The following MN1 variants were observed in gnomAD, a reference collection of about 807,000 sequenced individuals.
MN1 encodes the protein transcriptional activator MN1.
Under a neutral mutation model 86.9 loss-of-function variants are expected in MN1, and 19 were observed. The ratio of observed to expected loss-of-function variants is 0.22; its 90% CI spans 0.15 to 0.32. The LOEUF (loss-of-function observed/expected upper bound fraction) is 0.32, where lower values mean the gene tolerates loss of function less well. MN1 is among the 10% of genes least tolerant of loss of function. The pLI is 1.00. For missense variants in MN1, 1,841 were observed against 1,862.0 expected (o/e 0.99, Z 0.21); for synonymous variants, 928 against 849.6 (o/e 1.09, Z -1.60).
At chr22:27,782,450 C>T (rs1933066912) in intron 1 of MN1, among the ~76,000 whole-genome samples, 2 of 152,222 alleles carry the variant, frequency 1.3e-5, no homozygotes, top group Admixed American at 1.3e-4. Flanking sequence ...CCAATCTGTG[C>T]CTTTCATTTC....
chr22:27,797,079 G>T lies in MN1; in HGVS notation c.3465C>A (p.Ile1155=). The part of the protein sequence containing the change: ...PPPDEIHPLE[I]LQAQIQLQRQ... ...TCTGTAGCTGGATCTGCGCCTGAAGGATCTCCAGGGGGTGGATCTCGTCGG... is the reference window on the plus strand; with the variant it reads ...TCTGTAGCTGGATCTGCGCCTGAAGTATCTCCAGGGGGTGGATCTCGTCGG... Residue 1155 remains isoleucine (I), a synonymous_variant, in exon 1 of 2, where the codon ATC becomes ATA. Coordinates refer to ENST00000302326, the MANE Select transcript of MN1 (RefSeq NM_002430.3). 1 of 1,611,210 alleles carries T rather than the reference G, an allele frequency of 6.2e-7. No homozygotes were observed. Among genetic ancestry groups the T allele is most frequent in the Non-Finnish European group, 8.5e-7 (1 of 1,179,228 alleles).
In MN1 at chr22:27,799,752, C is replaced by G; in HGVS notation, c.792G>C (p.Gln264His). Reference protein sequence around the residue: ...GQLPHYAAGRQVPGGAFPGAS... With the variant: ...GQLPHYAAGRHVPGGAFPGAS... ...CGCCCGGGAAAGCGCCCCCAGGAACCTGGCGACCCGCTGCATAATGAGGCA... is the reference window on the plus strand; with the variant it reads ...CGCCCGGGAAAGCGCCCCCAGGAACGTGGCGACCCGCTGCATAATGAGGCA... Residue 264 changes from glutamine to histidine, a missense_variant, in exon 1 of 2, where the codon CAG becomes CAC. By Grantham distance (24) the Gln-to-His change is conservative (BLOSUM62 0). Transcript: ENST00000302326. The G allele has an allele frequency of 6.3e-7, 1 of 1,590,710 alleles. No homozygotes were observed. Among genetic ancestry groups the G allele is most frequent in the East Asian group, 2.3e-5 (1 of 43,874 alleles).
In MN1 at chr22:27,800,573, G is replaced by C. The variant is rs1184575210; in HGVS notation, c.-30C>G. The C allele has an allele frequency of 6.2e-7, 1 of 1,613,196 alleles. No individual in the cohort carries two copies. The highest frequency in any genetic ancestry group is 2.2e-5 in the East Asian group (1 of 44,856). On this transcript the variant is annotated 5_prime_UTR_variant, in exon 1 of 2. Coordinates refer to ENST00000302326, the MANE Select transcript of MN1 (RefSeq NM_002430.3). ...GGCGGGGGGCAGAGGGGGATCAATAGGGCATGACAGCCGGCTCTCCGCGGC... is the reference window on the plus strand; with the variant it reads ...GGCGGGGGGCAGAGGGGGATCAATACGGCATGACAGCCGGCTCTCCGCGGC...
chr22:27,797,441 C>G lies in MN1; in HGVS notation c.3103G>C (p.Asp1035His). The change falls in exon 1 of 2, where the codon GAC becomes CAC. Residue 1035 changes from aspartate to histidine, a missense_variant. By Grantham distance (81) the Asp-to-His change is moderately conservative. Transcript: ENST00000302326. ...IGSLDGGAKS[D>H]SSSPNVGEFA... ...TCACCCACGTTTGGCGAACTACTGT[C>G]CGACTTGGCCCCGCCGTCCAGGGAC... 6.2e-7 allele frequency: 1 copy of G among 1,606,724 alleles called. No individual in the cohort carries two copies. The highest frequency in any genetic ancestry group is 8.5e-7 in the Non-Finnish European group (1 of 1,176,846).
At chr22:27,751,237 T>C (rs749057664) in intron 1 of MN1, 141 bp from the exon 2 acceptor site, 1 of 562,060 alleles carries the variant, frequency 1.8e-6, no homozygotes, top group Non-Finnish European at 2.8e-6. Flanking sequence ...TCCCAGAGGA[T>C]CTAGAGATGT....
At chr22:27,793,430 T>C (rs1225415551) in intron 1 of MN1, among the ~76,000 whole-genome samples, 3 of 152,226 alleles carry the variant, frequency 2.0e-5, no homozygotes, top group Non-Finnish European at 4.4e-5. Flanking sequence ...TTTAAATCCA[T>C]ATAATTCTCA....
At chr22:27,757,158 C>A (rs191371877) in intron 1 of MN1, among the ~76,000 whole-genome samples, 1 of 152,150 alleles carries the variant, frequency 6.6e-6, no homozygotes, top group African/African-American at 2.4e-5. Flanking sequence ...CAAGGTCACA[C>A]GGAGTCAGGG....
Position 27,748,472 on chromosome 22 carries a change from C to CA in MN1, c.*2442dup. 5.1e-6 allele frequency: 1 copy of CA among 195,688 alleles called. No individual in the cohort carries two copies. The highest frequency in any genetic ancestry group is 1.1e-5 in the Non-Finnish European group (1 of 93,818). 12.1% of individuals were successfully genotyped at this position (195,688 alleles called of 1,614,324 possible). A position where few individuals can be genotyped will look rare whatever the true frequency, so the allele number is the denominator to read the frequency against. ...TCAGAAATGAATTTCTTTTAAGAGT[C>CA]AAAAAAGATTACAGGATTGCCTAAC... On this transcript the variant is annotated 3_prime_UTR_variant, in exon 2 of 2. Transcript: ENST00000302326.
Position 27,798,313 on chromosome 22 carries a change from G to A in MN1, c.2231C>T (p.Pro744Leu). Residue 744 changes from proline (P) to leucine (L), a missense_variant, in exon 1 of 2, where the codon CCG (proline) becomes CTG (leucine). Pro to Leu is a moderately conservative substitution (Grantham distance 98). Coordinates refer to ENST00000302326, the MANE Select transcript of MN1 (RefSeq NM_002430.3). ...GCCGGCTGCACCAAACGGAAAGCCC[G>A]GCTGGCCCCCGAGCGCAGACGTAGC... ...DFATSALGGQ[P>L]GFPFGAAGRQ... 3 of 1,521,924 alleles carry A rather than the reference G, an allele frequency of 2.0e-6. No individual in the cohort carries two copies. The highest frequency in any genetic ancestry group is 1.2e-5 in the South Asian group (1 of 82,802). The allele number at this position is 1,521,924 out of a possible 1,614,324, so 94.3% of individuals were successfully genotyped here.
intron 1 of MN1, among the ~76,000 whole-genome samples, chr22:27,773,751 G>A (rs563391282): frequency 1.3e-5 from 2 of 152,256 alleles, no homozygotes; most frequent in South Asian, 2.1e-4. Flanking sequence ...CTGCCTCCCG[G>A]GTTCAAGCAG....
At position 27,798,364 on chromosome 22, in the gene MN1, T is replaced by C. The variant is rs1327565554; in HGVS notation, c.2180A>G (p.Glu727Gly). The change falls in exon 1 of 2, where the codon GAG (glutamate) becomes GGG (glycine). Residue 727 changes from glutamate to glycine, a missense_variant. Glu to Gly is a moderately conservative substitution (Grantham distance 98, BLOSUM62 -2). Coordinates refer to ENST00000302326, the MANE Select transcript of MN1 (RefSeq NM_002430.3). ...AAAGTCCGGCGGCGGGGGCCGGCGC[T>C]CCGAAGCAGCGCTGGGGAGCCCCAC... The part of the protein sequence containing the change: ...AGVGLPSAAS[E>G]RRPPPPDFAT... The C allele has an allele frequency of 1.3e-6, 2 of 1,501,342 alleles. No individual in the cohort carries two copies. Among genetic ancestry groups the C allele is most frequent in the South Asian group, 1.3e-5 (1 of 79,408 alleles). 93.0% of individuals were successfully genotyped at this position (1,501,342 alleles called of 1,614,324 possible).
Position 27,799,792 on chromosome 22 carries a change from T to C in MN1, c.752A>G (p.Asp251Gly). 1 of 1,593,934 alleles carries C rather than the reference T, an allele frequency of 6.3e-7. No homozygotes were observed. The highest frequency in any genetic ancestry group is 8.6e-7 in the Non-Finnish European group (1 of 1,168,686). ...ATAATGAGGCAGCTGCCCTTCGGAG[T>C]CAGAGGGCGAAAACATGTCAAAATG... ...SGHFDMFSPSDSEGQLPHYAA... is the reference protein window; with the variant it reads ...SGHFDMFSPSGSEGQLPHYAA... The change falls in exon 1 of 2, where the codon GAC becomes GGC. Residue 251 changes from aspartate to glycine, a missense_variant. Coordinates refer to ENST00000302326, the MANE Select transcript of MN1 (RefSeq NM_002430.3).
At chr22:27,787,884 T>A (rs1933156853) in intron 1 of MN1, among the ~76,000 whole-genome samples, 1 of 152,202 alleles carries the variant, frequency 6.6e-6, no homozygotes, top group African/African-American at 2.4e-5. Context: ...CAGAAACGGG[T>A]CCTGACTGCT....
At chr22:27,787,577 G>A (rs1039807967) in intron 1 of MN1, among the ~76,000 whole-genome samples, 4 of 152,106 alleles carry the variant, frequency 2.6e-5, no homozygotes, top group Admixed American at 6.6e-5. Context: ...GTGTGGGAGG[G>A]CATCATGGGG....
chr22:27,798,442 T>C lies in MN1; in HGVS notation c.2102A>G (p.Gln701Arg). The C allele has an allele frequency of 6.4e-7, 1 of 1,559,358 alleles. No individual in the cohort carries two copies. The highest frequency in any genetic ancestry group is 8.6e-7 in the Non-Finnish European group (1 of 1,162,004). ...CAGGCCTCCCAGACTGCCCCCGAAC[T>C]GCAGGCCCGGTGAAGGCAGCGCGGG... ...HVPALPSPGLQFGGSLGGLGQ... is the reference protein window; with the variant it reads ...HVPALPSPGLRFGGSLGGLGQ... The change falls in exon 1 of 2, where the codon CAG becomes CGG. Residue 701 changes from glutamine to arginine, a missense_variant. Transcript: ENST00000302326.
At chr22:27,766,943 T>C (rs1932874510) in intron 1 of MN1, among the ~76,000 whole-genome samples, 1 of 152,200 alleles carries the variant, frequency 6.6e-6, no homozygotes, top group Non-Finnish European at 1.5e-5. Flanking sequence ...TTCACCTGAC[T>C]AACTCTTCTC....
intron 1 of MN1, among the ~76,000 whole-genome samples, chr22:27,763,518 G>A (rs1335928405): frequency 6.6e-6 from 1 of 152,206 alleles, no homozygotes; most frequent in Non-Finnish European, 1.5e-5. Flanking sequence ...TGCCTCCACT[G>A]CCTCCTCTGA....
chr22:27,761,717 GC>G (rs1357222417), intron 1 of MN1, among the ~76,000 whole-genome samples: 3 of 152,142 alleles, frequency 2.0e-5, no homozygotes, highest in South Asian at 2.1e-4. Context: ...GGTCTGCAAG[GC>G]CCCCCCGTTC....
In MN1 at chr22:27,750,076, G is replaced by T. The variant is rs1030032075; in HGVS notation, c.*839C>A. On this transcript the variant is annotated 3_prime_UTR_variant, in exon 2 of 2. Transcript: ENST00000302326. ...AATGCAGGGCCTGGGCATTTGCGAG[G>T]AGGCCCAGAAAAGGAGAGAAAACAC... 4.3e-6 allele frequency: 1 copy of T among 232,116 alleles called. No individual in the cohort carries two copies. Among genetic ancestry groups the T allele is most frequent in the African/African-American group, 2.2e-5 (1 of 45,408 alleles). 14.4% of individuals were successfully genotyped at this position (232,116 alleles called of 1,614,324 possible).
Sources: allele counts gnomAD v4.1 joint callset (sites outside exome capture counted in the v4.1 genomes callset), GRCh38; gene constraint gnomAD v4.1.1; transcripts MANE v1.5; gene names NCBI Gene and HGNC (gene_info 2026-07-23, HGNC 2026-07-21).